RAPGEF4: variants seen among roughly 807,000 people sequenced by gnomAD.
RAPGEF4 encodes RAP guanine-nucleotide-exchange factor (GEF) 4.
Under a neutral mutation model 147.9 loss-of-function variants are expected in RAPGEF4, and 66 were observed. That is an observed-to-expected ratio of 0.45 (90% CI 0.37 to 0.55). RAPGEF4 has a LOEUF of 0.55. RAPGEF4 is among the 20% of genes least tolerant of loss of function. The pLI is 0.00. For missense variants in RAPGEF4, 1,071 were observed against 1,257.3 expected, an observed-to-expected ratio of 0.85 and a Z score of 2.24; for synonymous variants, 419 against 442.7, an observed-to-expected ratio of 0.95 and a Z score of 0.67.
At position 173,017,454 on chromosome 2, in the gene RAPGEF4, C is replaced by A; in HGVS notation, c.1958C>A (p.Thr653Lys). 5.0e-6 allele frequency: 8 copies of A among 1,614,126 alleles called. No homozygotes were observed. The highest frequency in any genetic ancestry group is 5.1e-6 in the Non-Finnish European group (6 of 1,179,994). The change falls in exon 21 of 31, where the codon ACG becomes AAG. Residue 653 changes from threonine to lysine, a missense_variant. Physicochemically the swap from Thr to Lys is moderately conservative, Grantham distance 78 (BLOSUM62 -1). Transcript: ENST00000397081. ...KHKVLLQQFN[T>K]GDERAQKRQP... ...AAGGTTCTTTTGCAACAGTTCAATA[C>A]GGGCGATGAGAGAGCCCAGAAGCGC...
chr2:172,756,722 C>T (rs1411412191), intron 1 of RAPGEF4, among the ~76,000 whole-genome samples: 2 of 152,080 alleles, frequency 1.3e-5, no homozygotes, highest in Non-Finnish European at 2.9e-5. Flanking sequence ...CCTTGCAGTC[C>T]CAAATTTCCT....
chr2:172,782,149 C>G lies in RAPGEF4; in HGVS notation c.66-12876C>G, dbSNP rs143982404. Among the ~76,000 whole-genome samples, 191 of 152,324 alleles carry G rather than the reference C, an allele frequency of 1.3e-3. 1 individual carries two copies. The highest frequency in any genetic ancestry group is 4.3e-3 in the African/African-American group (178 of 41,566). On this transcript the variant is annotated intron_variant, in intron 1 of 30. Coordinates refer to ENST00000397081, the MANE Select transcript of RAPGEF4 (RefSeq NM_007023.4). ...ATATACAAATAACTAATAAATAACT[C>G]ATAAACTCATCATTAACTCATAAAC...
intron 4 of RAPGEF4, among the ~76,000 whole-genome samples, chr2:172,817,322 G>A: frequency 6.6e-6 from 1 of 152,278 alleles, no homozygotes; most frequent in Middle Eastern, 3.4e-3. Context: ...TTTGAATGTT[G>A]ATGATCTATA....
chr2:173,050,743 T>C (rs1232252866), intron 30 of RAPGEF4, among the ~76,000 whole-genome samples: 2 of 132,702 alleles, frequency 1.5e-5, no homozygotes, highest in Non-Finnish European at 3.1e-5. Flanking sequence ...AAATCCAGAT[T>C]TCCCATTTCT....
Position 173,018,849 on chromosome 2 carries a change from C to A in RAPGEF4, c.2155+47C>A. On this transcript the variant is annotated intron_variant, in intron 22 of 30. Coordinates refer to ENST00000397081, the MANE Select transcript of RAPGEF4 (RefSeq NM_007023.4). ...TTAGGCTCTGCAAAATGGGACATTC[C>A]ATCCAAGCAGAAACTATGTAAGGAG... The A allele has an allele frequency of 6.9e-6, 11 of 1,590,756 alleles. 1 individual carries two copies. The South Asian group carries it at 1.3e-4, about 18-fold the overall frequency.
intron 16 of RAPGEF4, 143 bp downstream of exon 16, chr2:172,996,697 G>A: frequency 1.7e-6 from 1 of 591,836 alleles, no homozygotes; most frequent in South Asian, 2.2e-5. Flanking sequence ...ATCTCTGTGT[G>A]ACCTGACTGG....
At position 173,051,703 on chromosome 2, in the gene RAPGEF4, A is replaced by G; in HGVS notation, c.2972A>G (p.Asn991Ser). ...QDVRSYVRQL[N>S]VIDNQRTLSQ... ...GTCCGGAGTTATGTACGGCAATTAA[A>G]TGTGATTGACAACCAGAGAACTTTA... is the stretch of plus-strand genomic sequence containing the variant. Residue 991 changes from asparagine (N) to serine (S), a missense_variant, in exon 31 of 31, where the codon AAT (asparagine) becomes AGT (serine). By Grantham distance (46) the Asn-to-Ser change is conservative. Coordinates refer to ENST00000397081, the MANE Select transcript of RAPGEF4 (RefSeq NM_007023.4). The G allele has an allele frequency of 6.2e-7, 1 of 1,614,040 alleles. No individual in the cohort carries two copies. The highest frequency in any genetic ancestry group is 8.5e-7 in the Non-Finnish European group (1 of 1,179,904).
At chr2:172,817,013 G>T (rs2149611880) in intron 4 of RAPGEF4, among the ~76,000 whole-genome samples, 1 of 152,334 alleles carries the variant, frequency 6.6e-6, no homozygotes, top group African/African-American at 2.4e-5. Context: ...TTGTGCACAT[G>T]CAGTACATGA....
chr2:172,766,863 T>G (rs149554394), intron 1 of RAPGEF4, among the ~76,000 whole-genome samples: 101 of 152,330 alleles, frequency 6.6e-4, no homozygotes, highest in African/African-American at 2.3e-3. Context: ...CTGAGTAGTA[T>G]TCCATTGCGT....
In RAPGEF4 at chr2:172,961,150, G is replaced by A. The variant is rs182318587; in HGVS notation, c.620G>A (p.Gly207Glu). Residue 207 changes from glycine (G) to glutamate (E), a missense_variant, in exon 8 of 31, where the codon GGA becomes GAA. Transcript: ENST00000397081. ...CCTTCAGAGAAGATCCTCAGAGCTGGAAAAATTTTACGAAATGCCATTCTC... is the reference window on the plus strand; with the variant it reads ...CCTTCAGAGAAGATCCTCAGAGCTGAAAAAATTTTACGAAATGCCATTCTC... ...KVPSEKILRA[G>E]KILRNAILSR... 1.7e-4 allele frequency: 271 copies of A among 1,612,778 alleles called. 1 individual carries two copies. The African/African-American group carries it at 3.0e-3, about 18-fold the overall frequency.
intron 1 of RAPGEF4, chr2:172,744,014 T>C (rs1215193291): frequency 1.2e-5 from 2 of 165,890 alleles, no homozygotes; most frequent in South Asian, 1.6e-4. Context: ...TTGATACTTG[T>C]CTAAAGTTGA....
chr2:173,047,678 CTT>C (rs201627058), intron 29 of RAPGEF4, among the ~76,000 whole-genome samples: 24 of 146,006 alleles, frequency 1.6e-4, no homozygotes, highest in South Asian at 1.5e-3. Flanking sequence ...TTCTGAATTT[CTT>C]TTTTTTTTTT....
chr2:172,880,831 C>G (rs1033634005), intron 4 of RAPGEF4, among the ~76,000 whole-genome samples: 2 of 152,086 alleles, frequency 1.3e-5, no homozygotes, highest in Non-Finnish European at 2.9e-5. Context: ...AGATAGTGAA[C>G]GCAAAGCTTT....
chr2:172,820,496 T>C (rs1411828291), intron 4 of RAPGEF4, among the ~76,000 whole-genome samples: 1 of 152,244 alleles, frequency 6.6e-6, no homozygotes, highest in Non-Finnish European at 1.5e-5. Context: ...GTGATTGTTA[T>C]CTGGGAGCCT....
chr2:172,785,580 T>C (rs1218614801), intron 1 of RAPGEF4, among the ~76,000 whole-genome samples: 1 of 152,220 alleles, frequency 6.6e-6, no homozygotes, highest in Non-Finnish European at 1.5e-5. Context: ...TTCTAATGCA[T>C]ATATATTAAG....
chr2:172,808,800 G>A (rs1687742479), intron 3 of RAPGEF4, among the ~76,000 whole-genome samples: 1 of 152,312 alleles, frequency 6.6e-6, no homozygotes, highest in East Asian at 1.9e-4. Flanking sequence ...TTTGAATTAA[G>A]TCTACCAAGG....
chr2:172,909,276 A>G (rs973343591), intron 4 of RAPGEF4, among the ~76,000 whole-genome samples: 1 of 152,180 alleles, frequency 6.6e-6, no homozygotes. Context: ...GCCACCACGC[A>G]AGAGTTTTGG....
intron 5 of RAPGEF4, 45 bp from the exon 6 acceptor site, chr2:172,922,236 A>G (rs1368347210): frequency 9.5e-6 from 15 of 1,584,184 alleles, no homozygotes; most frequent in East Asian, 2.2e-5. Context: ...TTACCGGTTG[A>G]TTATACAATT....
At chr2:172,743,963 G>A (rs1465898398) in intron 1 of RAPGEF4, among the ~76,000 whole-genome samples, 10 of 152,172 alleles carry the variant, frequency 6.6e-5, no homozygotes, top group African/African-American at 2.2e-4. Flanking sequence ...TTTGTTTGGT[G>A]TTCTATCATT....
Sources: allele counts gnomAD v4.1 joint callset (sites outside exome capture counted in the v4.1 genomes callset), GRCh38; gene constraint gnomAD v4.1.1; transcripts MANE v1.5; gene names NCBI Gene and HGNC (gene_info 2026-07-23, HGNC 2026-07-21).